The following PAK5 variants were observed in gnomAD, a reference collection of about 807,000 sequenced individuals.
PAK5 encodes p21 (RAC1) activated kinase 5.
A neutral mutation model predicts 65.9 loss-of-function variants in PAK5; 16 were observed. The ratio of observed to expected loss-of-function variants is 0.24; its 90% CI spans 0.16 to 0.37. The LOEUF is 0.37. PAK5 is among the 10% of genes least tolerant of loss of function. PAK5 has a pLI of 1.00. For synonymous variants in PAK5, 371 were observed against 354.9 expected (o/e 1.05, Z -0.51); for missense variants, 785 against 903.9 (o/e 0.87, Z 1.69).
intron 1 of PAK5, among the ~76,000 whole-genome samples, chr20:9,743,757 G>A (rs1020085120): frequency 6.6e-6 from 1 of 152,112 alleles, no homozygotes; most frequent in African/African-American, 2.4e-5. Context: ...ATATTTCAAG[G>A]GAAATGCCCT....
At chr20:9,812,738 AATGCTCAGTAGCACAAT>A (rs2049312411) in intron 1 of PAK5, among the ~76,000 whole-genome samples, 1 of 152,212 alleles carries the variant, frequency 6.6e-6, no homozygotes, top group South Asian at 2.1e-4. Context: ...AATAAGATCT[AATGCTCAGTAGCACAAT>A]AGGGTGACTA....
At chr20:9,672,502 A>G (rs2047513379) in intron 2 of PAK5, among the ~76,000 whole-genome samples, 1 of 151,622 alleles carries the variant, frequency 6.6e-6, no homozygotes, top group Non-Finnish European at 1.5e-5. Flanking sequence ...TAAGTCTCAC[A>G]AGATCTCATG....
chr20:9,670,008 G>A (rs180817616), intron 2 of PAK5, among the ~76,000 whole-genome samples: 23 of 152,126 alleles, frequency 1.5e-4, no homozygotes, highest in African/African-American at 5.5e-4. Context: ...ACCTATGAGT[G>A]AGAACATGCG....
chr20:9,568,356 T>C (rs564872330), intron 4 of PAK5, among the ~76,000 whole-genome samples: 2 of 152,258 alleles, frequency 1.3e-5, no homozygotes, highest in African/African-American at 4.8e-5. Flanking sequence ...CAGGATTTGC[T>C]GATGGATTGG....
At chr20:9,602,826 C>T (rs994634079) in intron 3 of PAK5, among the ~76,000 whole-genome samples, 1 of 152,198 alleles carries the variant, frequency 6.6e-6, no homozygotes, top group Non-Finnish European at 1.5e-5. Context: ...CTGAACTGTA[C>T]ATGTAACAGA....
chr20:9,597,741 C>T (rs1381897899), intron 3 of PAK5, among the ~76,000 whole-genome samples: 1 of 152,124 alleles, frequency 6.6e-6, no homozygotes, highest in Non-Finnish European at 1.5e-5. Flanking sequence ...TGAATCCTGC[C>T]TGGTTACCAT....
At position 9,580,646 on chromosome 20, in the gene PAK5, G is replaced by T. The variant is rs2123016909; in HGVS notation, c.489C>A (p.Ser163Arg). 6.2e-7 allele frequency: 1 copy of T among 1,613,996 alleles called. No homozygotes were observed. Among genetic ancestry groups the T allele is most frequent in the Non-Finnish European group, 8.5e-7 (1 of 1,179,986 alleles). The change falls in exon 4 of 10, where the codon AGC becomes AGA. Residue 163 changes from serine to arginine, a missense_variant. By Grantham distance (110) the Ser-to-Arg change is moderately radical (BLOSUM62 -1). Around this residue, in one of 4 missense-constraint regions of PAK5, gnomAD observed 422 missense variants for 413.3 expected, o/e 1.02. Coordinates refer to ENST00000353224, the MANE Select transcript of PAK5 (RefSeq NM_177990.4). ...GDDLDPYYRG[S>R]HAAKQNGHVM... is the part of the protein sequence containing the mutation. ...CGTGCCCATTTTGCTTGGCTGCGTG[G>T]CTGCCTCTATAATACGGATCCAGAT...
rs1378424448 is a variant in PAK5 at position 9,580,378 on chromosome 20, T to G, written c.757A>C (p.Ser253Arg). The G allele has an allele frequency of 6.2e-7, 1 of 1,614,066 alleles. No individual in the cohort carries two copies. The highest frequency in any genetic ancestry group is 8.5e-7 in the Non-Finnish European group (1 of 1,179,984). Residue 253 changes from serine to arginine, a missense_variant, in exon 4 of 10, where the codon AGT becomes CGT. By Grantham distance (110) the Ser-to-Arg change is moderately radical. Transcript: ENST00000353224. ...SGCSKESLAY[S>R]ESEWGPSLDD... ...AGGCTGGGTCCCCATTCACTTTCAC[T>G]GTACGCCAGGCTCTCCTTGGAGCAC... is the stretch of plus-strand genomic sequence containing the variant.
intron 3 of PAK5, among the ~76,000 whole-genome samples, chr20:9,623,433 T>C (rs892970577): frequency 3.9e-5 from 6 of 152,108 alleles, no homozygotes; most frequent in African/African-American, 9.7e-5. Context: ...GTACATTAAA[T>C]AAAGCATTAA....
At chr20:9,663,876 A>G (rs1415292618) in intron 2 of PAK5, among the ~76,000 whole-genome samples, 1 of 152,176 alleles carries the variant, frequency 6.6e-6, no homozygotes, top group African/African-American at 2.4e-5. Flanking sequence ...CCCATTTAAG[A>G]ATCACAAACT....
Position 9,554,115 on chromosome 20 carries a change from T to C in PAK5, c.1743+3493A>G, listed in dbSNP as rs539892743. Among the ~76,000 whole-genome samples, 7 of 152,328 alleles carry C rather than the reference T, an allele frequency of 4.6e-5. No individual in the cohort carries two copies. In the South Asian group the frequency reaches 1.5e-3, roughly 32 times the overall value. On this transcript the variant is annotated intron_variant, in intron 7 of 9. Transcript: ENST00000353224. ...TCAAACAGGAAGAGAACCCAATATC[T>C]CTTGTGTGGCAGACAGTATTTTCCA...
At chr20:9,703,114 A>T (rs2047960847) in intron 2 of PAK5, among the ~76,000 whole-genome samples, 1 of 152,150 alleles carries the variant, frequency 6.6e-6, no homozygotes, top group Non-Finnish European at 1.5e-5. Flanking sequence ...CCCTTTATTG[A>T]GACTGTCAAA....
chr20:9,773,644 G>A (rs1437170968), intron 1 of PAK5, among the ~76,000 whole-genome samples: 7 of 152,188 alleles, frequency 4.6e-5, no homozygotes, highest in Non-Finnish European at 1.5e-5. Context: ...GGACAAGTGG[G>A]GGCAGAGAGT....
intron 3 of PAK5, among the ~76,000 whole-genome samples, chr20:9,602,371 C>A (rs1431033445): frequency 1.3e-5 from 2 of 151,906 alleles, no homozygotes; most frequent in African/African-American, 2.4e-5. Flanking sequence ...TGAATGCAGA[C>A]CCCTTGCTCC....
At chr20:9,548,554 G>A (rs2045380219) in intron 7 of PAK5, among the ~76,000 whole-genome samples, 2 of 152,152 alleles carry the variant, frequency 1.3e-5, no homozygotes, top group Non-Finnish European at 2.9e-5. Context: ...TCTCTAGCTA[G>A]AGATGACATT....
intron 2 of PAK5, among the ~76,000 whole-genome samples, chr20:9,675,963 G>C (rs1227483797): frequency 1.3e-5 from 2 of 152,162 alleles, no homozygotes; most frequent in East Asian, 3.8e-4. Context: ...CTGTGTATTA[G>C]TTTATTTTCA....
At chr20:9,706,135 A>T (rs137956437) in intron 2 of PAK5, among the ~76,000 whole-genome samples, 1,613 of 152,280 alleles carry the variant, frequency 0.011, 17 homozygotes, top group Middle Eastern at 0.044. Context: ...AAATCTCTAT[A>T]TAAATATATC....
rs556581806 is a variant in PAK5 at position 9,798,355 on chromosome 20, G to T, written c.-162+40407C>A. On this transcript the variant is annotated intron_variant, in intron 1 of 9. Transcript: ENST00000353224. ...GGAATAATTCAGTATGGTGAGAGGGGAATAAACATGCAAACTACTGAATGT... is the reference window on the plus strand; with the variant it reads ...GGAATAATTCAGTATGGTGAGAGGGTAATAAACATGCAAACTACTGAATGT... Among the ~76,000 whole-genome samples the T allele has an allele frequency of 2.0e-5, 3 of 152,220 alleles. No homozygotes were observed. In the South Asian group the frequency reaches 6.2e-4, roughly 32 times the overall value.
At chr20:9,785,650 TAGAG>T (rs958619925) in intron 1 of PAK5, among the ~76,000 whole-genome samples, 1 of 152,142 alleles carries the variant, frequency 6.6e-6, no homozygotes, top group Middle Eastern at 3.2e-3. Context: ...ATTACCATCT[TAGAG>T]GGGAAAAAAA....
Sources: allele counts gnomAD v4.1 joint callset (sites outside exome capture counted in the v4.1 genomes callset), GRCh38; gene constraint gnomAD v4.1.1; regional missense constraint gnomAD v4.1.1; transcripts MANE v1.5; gene names NCBI Gene and HGNC (gene_info 2026-07-23, HGNC 2026-07-21).